SPATA6: variants seen among roughly 807,000 people sequenced by gnomAD.
SPATA6 encodes spermatogenesis-associated protein 6.
In SPATA6, 56 loss-of-function variants were observed where a neutral mutation model predicts 65.3. The ratio of observed to expected loss-of-function variants is 0.86; its 90% CI spans 0.69 to 1.07. The LOEUF (loss-of-function observed/expected upper bound fraction) is 1.07. SPATA6 is among the 50% of genes least tolerant of loss of function. The probability of loss-of-function intolerance (pLI) is 0.00; values close to 1 mark genes in which losing one functional copy is unlikely to be tolerated. For missense variants in SPATA6, 590 were observed against 594.8 expected (o/e 0.99, Z 0.08); for synonymous variants, 199 against 213.2 (o/e 0.93, Z 0.58).
intron 11 of SPATA6, among the ~76,000 whole-genome samples, chr1:48,321,038 CAA>C (rs879933792): frequency 4.6e-5 from 7 of 151,616 alleles, no homozygotes; most frequent in Non-Finnish European, 1.0e-4. Flanking sequence ...AAATAAAGGG[CAA>C]AAAATTGAAA....
At chr1:48,392,713 G>A (rs1210146669) in intron 8 of SPATA6, among the ~76,000 whole-genome samples, 1 of 151,994 alleles carries the variant, frequency 6.6e-6, no homozygotes, top group Non-Finnish European at 1.5e-5. Context: ...GGTGAAAATG[G>A]CATCCTATAA....
chr1:48,372,318 G>T (rs1408342382), intron 9 of SPATA6, among the ~76,000 whole-genome samples: 1 of 152,108 alleles, frequency 6.6e-6, no homozygotes, highest in Non-Finnish European at 1.5e-5. Flanking sequence ...AAAACAAAGG[G>T]GTTACAGGGC....
intron 8 of SPATA6, among the ~76,000 whole-genome samples, chr1:48,394,635 CAATGT>C (rs1650406328): frequency 6.6e-6 from 1 of 151,974 alleles, no homozygotes; most frequent in African/African-American, 2.4e-5. Flanking sequence ...GAAGCTCACT[CAATGT>C]AATGATTCTA....
intron 6 of SPATA6, chr1:48,400,744 G>C (rs931546725): frequency 4.8e-6 from 6 of 1,260,752 alleles, no homozygotes; most frequent in Non-Finnish European, 6.2e-6. Flanking sequence ...GTTTCAGCTA[G>C]GGCAATGGTC....
chr1:48,382,465 TC>T (rs1260461336), intron 9 of SPATA6, among the ~76,000 whole-genome samples: 6 of 93,676 alleles, frequency 6.4e-5, no homozygotes, highest in African/African-American at 8.7e-5. Context: ...CGGGGGGCTG[TC>T]CCCCCCACCT....
chr1:48,266,582 T>C, the SPATA6 span, among the ~76,000 whole-genome samples: 1 of 152,242 alleles, frequency 6.6e-6, no homozygotes, highest in African/African-American at 2.4e-5. Flanking sequence ...AGAAATAGTT[T>C]TTCCAAGGTT....
chr1:48,401,293 A>T (rs1651137695), intron 6 of SPATA6, among the ~76,000 whole-genome samples: 1 of 152,032 alleles, frequency 6.6e-6, no homozygotes, highest in Non-Finnish European at 1.5e-5. Flanking sequence ...TCTTATATAT[A>T]TACCTCTGAT....
chr1:48,419,088 C>A (rs1284787686), intron 3 of SPATA6, among the ~76,000 whole-genome samples: 2 of 152,126 alleles, frequency 1.3e-5, no homozygotes, highest in Non-Finnish European at 2.9e-5. Flanking sequence ...AAACAAAAAA[C>A]TTATGAGTAA....
intron 3 of SPATA6, among the ~76,000 whole-genome samples, chr1:48,421,038 T>C (rs1366118935): frequency 6.6e-6 from 1 of 151,882 alleles, no homozygotes. Context: ...AGAGCTTGGG[T>C]AGGTTAAGAG....
At chr1:48,276,605 A>T in the SPATA6 span, among the ~76,000 whole-genome samples, 2 of 152,180 alleles carry the variant, frequency 1.3e-5, no homozygotes, top group Non-Finnish European at 2.9e-5. Flanking sequence ...GAAATCATTC[A>T]GGAGTAGGTT....
intron 11 of SPATA6, chr1:48,344,359 C>T (rs1467041561): frequency 6.6e-6 from 1 of 152,062 alleles, no homozygotes; most frequent in Non-Finnish European, 1.5e-5. Context: ...CCAGACCTGC[C>T]TTACAAGAGC....
At chr1:48,399,717 A>C (rs1650980288) in intron 6 of SPATA6, 73 bp from the exon 7 acceptor site, 1 of 1,363,938 alleles carries the variant, frequency 7.3e-7, no homozygotes, top group African/African-American at 1.5e-5. Context: ...GAAAAAATTA[A>C]AAAGTAATTT....
chr1:48,453,170 A>C, intron 1 of SPATA6, 39 bp from the exon 2 acceptor site: 1 of 1,589,704 alleles, frequency 6.3e-7, no homozygotes, highest in Non-Finnish European at 8.5e-7. Flanking sequence ...ACTGCTTTAT[A>C]AATTCCCTGA....
intron 3 of SPATA6, among the ~76,000 whole-genome samples, chr1:48,427,785 AG>A: frequency 6.6e-6 from 1 of 152,152 alleles, no homozygotes; most frequent in Admixed American, 6.6e-5. Flanking sequence ...CATGATGCTG[AG>A]GTATGGGTTT....
chr1:48,376,195 A>G (rs1051085586), intron 9 of SPATA6, among the ~76,000 whole-genome samples: 1 of 152,106 alleles, frequency 6.6e-6, no homozygotes, highest in African/African-American at 2.4e-5. Flanking sequence ...GCTAGAAACA[A>G]AAGTTCAGTA....
Position 48,296,585 on chromosome 1 carries a change from T to C in SPATA6, c.*2128A>G, listed in dbSNP as rs373233737. On this transcript the variant is annotated 3_prime_UTR_variant, in exon 13 of 13. Coordinates refer to ENST00000371847, the MANE Select transcript of SPATA6 (RefSeq NM_019073.4). ...TCTTTGAAAGTCATGTTTGTTCTTT[T>C]CACCAAACAGCAACTCTTAAAAGAA... The C allele has an allele frequency of 1.8e-4, 28 of 152,336 alleles. No homozygotes were observed. Among genetic ancestry groups the C allele is most frequent in the African/African-American group, 5.5e-4 (23 of 41,572 alleles). 9.4% of individuals were successfully genotyped at this position (152,336 alleles called of 1,614,324 possible). A position where few individuals can be genotyped will look rare whatever the true frequency, so the allele number is the denominator to read the frequency against.
chr1:48,374,366 A>G (rs900719514), intron 9 of SPATA6, among the ~76,000 whole-genome samples: 1 of 152,188 alleles, frequency 6.6e-6, no homozygotes, highest in Non-Finnish European at 1.5e-5. Context: ...GTTTCTAGGA[A>G]TATGTCTAAT....
chr1:48,309,883 G>T (rs1246629740), intron 11 of SPATA6, among the ~76,000 whole-genome samples: 1 of 152,148 alleles, frequency 6.6e-6, no homozygotes, highest in African/African-American at 2.4e-5. Flanking sequence ...TCTGTATGTT[G>T]AGAGTACACT....
chr1:48,293,507 G>A (rs1316753508), downstream of SPATA6, among the ~76,000 whole-genome samples: 1 of 152,100 alleles, frequency 6.6e-6, no homozygotes, highest in Admixed American at 6.5e-5. Flanking sequence ...GAGGGCCAGG[G>A]TCTCCTACTC....
Sources: gnomAD v4.1 joint callset for allele counts (sites outside exome capture counted in the v4.1 genomes callset) on GRCh38, gnomAD v4.1.1 for gene constraint, MANE v1.5 for transcripts, NCBI Gene and HGNC (gene_info 2026-07-23, HGNC 2026-07-21) for gene names.